PCNT: variants seen among roughly 807,000 people sequenced by gnomAD.
PCNT encodes kendrin.
Under a neutral mutation model 380.4 loss-of-function variants are expected in PCNT, and 319 were observed. That is an observed-to-expected ratio of 0.84 (90% CI 0.77 to 0.92). The LOEUF (loss-of-function observed/expected upper bound fraction) is 0.92, where lower values mean the gene tolerates loss of function less well. Among genes scored for constraint, PCNT ranks in the 40% least tolerant of loss-of-function variants. PCNT has a pLI of 0.00. For synonymous variants in PCNT, 1,845 were observed against 1,735.2 expected (o/e 1.06, Z -1.57); for missense variants, 4,400 against 4,255.3 (o/e 1.03, Z -0.95).
intron 2 of PCNT, among the ~76,000 whole-genome samples, chr21:46,329,817 G>T (rs2083500137): frequency 6.6e-6 from 1 of 152,212 alleles, no homozygotes; most frequent in South Asian, 2.1e-4. Flanking sequence ...AAAACCAAAA[G>T]CTGGTAAAAT....
intron 13 of PCNT, among the ~76,000 whole-genome samples, chr21:46,362,500 A>G (rs1326821556): frequency 1.3e-5 from 2 of 152,204 alleles, no homozygotes; most frequent in African/African-American, 4.8e-5. Flanking sequence ...GGCGAGGTGC[A>G]CAGGCATCAC....
rs2086354713 is a variant in PCNT, at chr21:46,399,645, C to T, written c.4640C>T (p.Ala1547Val). The stretch of plus-strand genomic sequence containing the variant: ...AAGTTGGATGAATTTAATGAATTGG[C>T]TATACAGAAAGAGTCGGCAGATAGA... ...REKLDEFNEL[A>V]IQKESADRQV... Residue 1547 changes from alanine (A) to valine (V), a missense_variant, in exon 25 of 47, where the codon GCT becomes GTT. Physicochemically the swap from Ala to Val is moderately conservative, Grantham distance 64 (BLOSUM62 0). Coordinates refer to ENST00000359568, the MANE Select transcript of PCNT (RefSeq NM_006031.6). The T allele has an allele frequency of 6.2e-7, 1 of 1,613,644 alleles. No homozygotes were observed. Among genetic ancestry groups the T allele is most frequent in the South Asian group, 1.1e-5 (1 of 91,082 alleles).
Position 46,438,317 on chromosome 21 carries a change from C to A in PCNT, c.9253C>A (p.Gln3085Lys). ...TGAGAAGTTGCTGAAGCACCATCTGCAGAAGGGCTGCAGCCCAAGCGTAGG... is the reference window on the plus strand; with the variant it reads ...TGAGAAGTTGCTGAAGCACCATCTGAAGAAGGGCTGCAGCCCAAGCGTAGG... Reference protein sequence around the residue: ...KLEKLLKHHLQKGCSPSRSER... With the variant: ...KLEKLLKHHLKKGCSPSRSER... The change falls in exon 41 of 47, where the codon CAG (glutamine) becomes AAG (lysine). Residue 3085 changes from glutamine to lysine, a missense_variant. Transcript: ENST00000359568. 6.2e-7 allele frequency: 1 copy of A among 1,614,126 alleles called. No homozygotes were observed. Among genetic ancestry groups the A allele is most frequent in the Non-Finnish European group, 8.5e-7 (1 of 1,179,970 alleles).
chr21:46,362,885 A>G (rs1447655071), intron 13 of PCNT, among the ~76,000 whole-genome samples: 1 of 151,876 alleles, frequency 6.6e-6, no homozygotes, highest in Non-Finnish European at 1.5e-5. Flanking sequence ...AAAAAAGATT[A>G]GGATATTTGC....
chr21:46,366,630 C>T lies in PCNT; in HGVS notation c.2656C>T (p.Gln886Ter). Residue 886 changes from glutamine (Q) to a stop codon, truncating the protein, a stop_gained, in exon 15 of 47, where the codon CAA becomes TAA. Transcript: ENST00000359568. LOFTEE classifies it high-confidence loss of function. ...KEITEKFSAE[Q>*]DAFLQEAQEQ... ...GATCACCGAGAAATTCAGTGCGGAA[C>T]AAGATGCCTTCCTGCAGGAGGCCCA... 6.2e-7 allele frequency: 1 copy of T among 1,614,122 alleles called. No homozygotes were observed. Among genetic ancestry groups the T allele is most frequent in the Non-Finnish European group, 8.5e-7 (1 of 1,180,036 alleles).
intron 30 of PCNT, among the ~76,000 whole-genome samples, chr21:46,417,255 G>A (rs545372069): frequency 3.1e-5 from 4 of 129,474 alleles, no homozygotes; most frequent in Admixed American, 2.7e-4. Flanking sequence ...GTGCAGTGAC[G>A]CAATCTCGGC....
rs965424853 is a variant in PCNT at position 46,390,597 on chromosome 21, C to T, written c.3841-73C>T. On this transcript the variant is annotated intron_variant, in intron 19 of 46. Coordinates refer to ENST00000359568, the MANE Select transcript of PCNT (RefSeq NM_006031.6). ...CTGAAGGGTCTGGGGGTAGAAGTGG[C>T]GTTCTCTTGGTCTTAATGTAGGCTT... 4.0e-6 allele frequency: 6 copies of T among 1,517,278 alleles called. No individual in the cohort carries two copies. In the African/African-American group the frequency reaches 6.9e-5, roughly 17 times the overall value. 94.0% of individuals were successfully genotyped at this position (1,517,278 alleles called of 1,614,324 possible). A position where few individuals can be genotyped will look rare whatever the true frequency, so the allele number is the denominator to read the frequency against.
rs779223539 is a variant in PCNT, at chr21:46,411,841, G to A, written c.5768G>A (p.Arg1923Gln). Residue 1923 changes from arginine (R) to glutamine (Q), a missense_variant, in exon 28 of 47, where the codon CGA becomes CAA. Coordinates refer to ENST00000359568, the MANE Select transcript of PCNT (RefSeq NM_006031.6). Reference sequence around the variant, plus strand: ...GCGCCTCCCGAGCTGCAGTGGCTCCGAGCGCAGTGTGCCCGCCTCAGCCGC... The same window carrying A: ...GCGCCTCCCGAGCTGCAGTGGCTCCAAGCGCAGTGTGCCCGCCTCAGCCGC... ...GAAPPELQWL[R>Q]AQCARLSRQL... 9.0e-6 allele frequency: 14 copies of A among 1,560,784 alleles called. No individual in the cohort carries two copies. The East Asian group carries it at 9.4e-5, about 11-fold the overall frequency.
At chr21:46,432,363 G>A (rs891392040) in intron 38 of PCNT, 148 bp downstream of exon 38, 2 of 749,666 alleles carry the variant, frequency 2.7e-6, no homozygotes, top group East Asian at 5.4e-5. Context: ...GCACCACACT[G>A]CTGTTACTGT....
At chr21:46,380,583 C>A (rs574678495) in intron 15 of PCNT, among the ~76,000 whole-genome samples, 1 of 151,926 alleles carries the variant, frequency 6.6e-6, no homozygotes, top group Non-Finnish European at 1.5e-5. Context: ...TTCTGTCCCC[C>A]ACCCCACCCC....
At chr21:46,360,923 C>T (rs951840237) in intron 13 of PCNT, among the ~76,000 whole-genome samples, 5 of 152,212 alleles carry the variant, frequency 3.3e-5, no homozygotes, top group South Asian at 2.1e-4. Context: ...TTAGGTCTTC[C>T]GTTTCACTGT....
Position 46,363,978 on chromosome 21 carries a change from C to G in PCNT, c.2609+44C>G, listed in dbSNP as rs753071252. 5 of 1,558,664 alleles carry G rather than the reference C, an allele frequency of 3.2e-6. No individual in the cohort carries two copies. In the African/African-American group the frequency reaches 4.1e-5, roughly 13 times the overall value. On this transcript the variant is annotated intron_variant, in intron 14 of 46. Transcript: ENST00000359568. ...CATCTGCAGTCCCTGTGAGGCCAGA[C>G]ACCTTGGAGGGTAGAAGGTGGGCAG...
At chr21:46,347,340 G>C (rs2084106163) in intron 5 of PCNT, 117 bp from the exon 6 acceptor site, 1 of 973,670 alleles carries the variant, frequency 1.0e-6, no homozygotes, top group East Asian at 2.4e-5. Flanking sequence ...CATCCTGCTA[G>C]CCCGTGAATG....
chr21:46,334,951 C>T (rs971173331), intron 3 of PCNT, among the ~76,000 whole-genome samples, 183 bp downstream of exon 3: 1 of 152,194 alleles, frequency 6.6e-6, no homozygotes, highest in African/African-American at 2.4e-5. Flanking sequence ...GCCGCCTGCA[C>T]GTTCTTAGTG....
chr21:46,364,053 G>A, intron 14 of PCNT, 119 bp downstream of exon 14: 1 of 891,662 alleles, frequency 1.1e-6, no homozygotes. Flanking sequence ...AGGTCTGGAG[G>A]GAGCTGGAAC....
chr21:46,334,839 C>T, intron 3 of PCNT, 71 bp downstream of exon 3: 1 of 1,608,872 alleles, frequency 6.2e-7, no homozygotes, highest in Non-Finnish European at 8.5e-7. Context: ...AAATCCAAAC[C>T]AGTGAGAGGA....
chr21:46,328,867 G>A (rs748591589), intron 2 of PCNT, among the ~76,000 whole-genome samples: 1 of 151,988 alleles, frequency 6.6e-6, no homozygotes, highest in Non-Finnish European at 1.5e-5. Context: ...TCTGCCTCCC[G>A]ATTTCAAGCG....
chr21:46,401,699 C>T lies in PCNT; in HGVS notation c.4940C>T (p.Ala1647Val). ...PEIQLEVTQR[A>V]LLRRESEVLD... Reference sequence around the variant, plus strand: ...ATACAGTTAGAGGTGACACAGAGAGCACTCCTGCGGCGCGAGAGCGAGGTG... The same window carrying T: ...ATACAGTTAGAGGTGACACAGAGAGTACTCCTGCGGCGCGAGAGCGAGGTG... The change falls in exon 26 of 47, where the codon GCA becomes GTA. Residue 1647 changes from alanine (A) to valine (V), a missense_variant. Physicochemically the swap from Ala to Val is moderately conservative, Grantham distance 64. Coordinates refer to ENST00000359568, the MANE Select transcript of PCNT (RefSeq NM_006031.6). 11 of 1,614,090 alleles carry T rather than the reference C, an allele frequency of 6.8e-6. No individual in the cohort carries two copies. Among genetic ancestry groups the T allele is most frequent in the Non-Finnish European group, 9.3e-6 (11 of 1,180,008 alleles).
At chr21:46,424,934 C>CT (rs1311317491) in intron 32 of PCNT, among the ~76,000 whole-genome samples, 3 of 152,042 alleles carry the variant, frequency 2.0e-5, no homozygotes, top group Non-Finnish European at 4.4e-5. Flanking sequence ...AATATTTGAC[C>CT]TTTTTTGGCA....
Sources: gnomAD v4.1 joint callset for allele counts (sites outside exome capture counted in the v4.1 genomes callset) on GRCh38, gnomAD v4.1.1 for gene constraint, MANE v1.5 for transcripts, NCBI Gene and HGNC (gene_info 2026-07-23, HGNC 2026-07-21) for gene names.